FAF2: variants seen among roughly 807,000 people sequenced by gnomAD.
FAF2 encodes Fas associated factor family member 2.
FAF2 carries 9 observed loss-of-function variants against 62.3 expected under a neutral mutation model. That is an observed-to-expected ratio of 0.14 (90% confidence interval 0.09 to 0.25). The LOEUF (loss-of-function observed/expected upper bound fraction) is 0.25. FAF2 is among the 10% of genes least tolerant of loss of function. The probability of loss-of-function intolerance (pLI) is 1.00; values close to 1 mark genes in which losing one functional copy is unlikely to be tolerated. For synonymous variants in FAF2, 202 were observed against 198.0 expected, an observed-to-expected ratio of 1.02 and a Z score of -0.17; for missense variants, 368 against 556.2, an observed-to-expected ratio of 0.66 and a Z score of 3.40.
intron 1 of FAF2, among the ~76,000 whole-genome samples, chr5:176,461,475 A>G (rs1758377015): frequency 6.6e-6 from 1 of 150,660 alleles, no homozygotes; most frequent in African/African-American, 2.4e-5. Context: ...ACACCACCAC[A>G]CTGGGCTAAT....
intron 1 of FAF2, among the ~76,000 whole-genome samples, chr5:176,468,933 C>T (rs1027348478): frequency 6.6e-6 from 1 of 151,630 alleles, no homozygotes; most frequent in South Asian, 2.1e-4. Flanking sequence ...GACAGAGAGA[C>T]CCTGTCTGTA....
At chr5:176,451,843 C>T (rs1204606348) in intron 1 of FAF2, among the ~76,000 whole-genome samples, 144 of 12,908 alleles carry the variant, frequency 0.011, 14 homozygotes, top group Middle Eastern at 0.067. Flanking sequence ...TATATATATA[C>T]ACACATATAT....
Position 176,494,205 on chromosome 5 carries a change from A to T in FAF2, c.591A>T (p.Glu197Asp), listed in dbSNP as rs1157960548. ...ACAGCAACACACTCTGTGCACCTGA[A>T]GTTATTTCACTAATAAACACTAGGA... ...EFCRNTLCAPEVISLINTRML... is the reference protein window; with the variant it reads ...EFCRNTLCAPDVISLINTRML... The change falls in exon 7 of 11, where the codon GAA (glutamate) becomes GAT (aspartate). Residue 197 changes from glutamate to aspartate, a missense_variant. Around this residue, in one of 2 missense-constraint regions of FAF2, gnomAD observed 331 missense variants for 441.9 expected, o/e 0.75. Coordinates refer to ENST00000261942, the MANE Select transcript of FAF2 (RefSeq NM_014613.3). The surrounding 1 kb of genome is among the most constrained non-coding windows in gnomAD (Gnocchi z 4.0). The T allele has an allele frequency of 3.1e-6, 5 of 1,614,010 alleles. No individual in the cohort carries two copies. The highest frequency in any genetic ancestry group is 3.4e-6 in the Non-Finnish European group (4 of 1,180,010).
intron 1 of FAF2, among the ~76,000 whole-genome samples, chr5:176,475,512 C>T (rs1376463252): frequency 6.6e-6 from 1 of 152,208 alleles, no homozygotes; most frequent in Non-Finnish European, 1.5e-5. Flanking sequence ...CACGGTGGCT[C>T]ACGCCTGTAA....
chr5:176,469,760 C>T (rs553079601), intron 1 of FAF2, among the ~76,000 whole-genome samples: 76 of 152,104 alleles, frequency 5.0e-4, no homozygotes, highest in Middle Eastern at 3.4e-3. Context: ...TGGAAGCAGC[C>T]GTAACATCTA....
In FAF2 at chr5:176,507,126, G is replaced by A; in HGVS notation, c.*176G>A. The A allele has an allele frequency of 3.0e-6, 1 of 328,178 alleles. No homozygotes were observed. The highest frequency in any genetic ancestry group is 4.9e-6 in the Non-Finnish European group (1 of 203,362). 20.3% of individuals were successfully genotyped at this position (328,178 alleles called of 1,614,324 possible). A position where few individuals can be genotyped will look rare whatever the true frequency, so the allele number is the denominator to read the frequency against. ...ATCCTTAGGAAGGATCAGAAACCAT[G>A]CTGCCCGTAAGAGTCACAACCTGTG... On this transcript the variant is annotated 3_prime_UTR_variant, in exon 11 of 11. Transcript: ENST00000261942.
intron 8 of FAF2, among the ~76,000 whole-genome samples, chr5:176,497,935 A>C (rs1330475195): frequency 6.6e-6 from 1 of 152,182 alleles, no homozygotes; most frequent in Admixed American, 6.5e-5. Context: ...AGATTGCTTG[A>C]ACTCAGGAGT....
intron 10 of FAF2, among the ~76,000 whole-genome samples, chr5:176,500,679 T>C (rs1351203433): frequency 6.6e-6 from 1 of 152,200 alleles, no homozygotes; most frequent in Non-Finnish European, 1.5e-5. Flanking sequence ...TGTGATAGTG[T>C]TTGTCATTTC....
intron 10 of FAF2, among the ~76,000 whole-genome samples, chr5:176,503,539 A>G (rs1561829681): frequency 7.1e-6 from 1 of 141,044 alleles, no homozygotes; most frequent in East Asian, 2.1e-4. Flanking sequence ...TGAGTGAAAA[A>G]AGCAAAATTC....
chr5:176,459,322 A>G (rs1163552991), intron 1 of FAF2, among the ~76,000 whole-genome samples: 4 of 138,018 alleles, frequency 2.9e-5, no homozygotes, highest in South Asian at 4.4e-4. Flanking sequence ...GCAGTGGCTC[A>G]TTCATGGTTC....
At chr5:176,504,341 T>A (rs1755643078) in intron 10 of FAF2, among the ~76,000 whole-genome samples, 1 of 151,802 alleles carries the variant, frequency 6.6e-6, no homozygotes, top group African/African-American at 2.4e-5. Flanking sequence ...CCCAGCCTAC[T>A]TTGGGAGGCC....
In FAF2 at chr5:176,492,264, T is replaced by A; in HGVS notation, c.415T>A (p.Phe139Ile). Residue 139 changes from phenylalanine (F) to isoleucine (I), a missense_variant, in exon 5 of 11, where the codon TTT (phenylalanine) becomes ATT (isoleucine). By Grantham distance (21) the Phe-to-Ile change is conservative. This residue lies in a region of FAF2 where 331 missense variants were observed against 441.9 expected (regional missense o/e 0.75). Transcript: ENST00000261942. ...VTDPVGDIVS[F>I]MHSFEEKYGR... ...TGACCCCGTTGGGGACATTGTTTCA[T>A]TTATGCACTCTTTTGAAGAGAAATA... 6.2e-7 allele frequency: 1 copy of A among 1,614,198 alleles called. No individual in the cohort carries two copies. Among genetic ancestry groups the A allele is most frequent in the Non-Finnish European group, 8.5e-7 (1 of 1,180,034 alleles).
intron 2 of FAF2, among the ~76,000 whole-genome samples, chr5:176,483,648 C>A (rs900245204): frequency 3.9e-5 from 6 of 152,180 alleles, no homozygotes; most frequent in African/African-American, 1.4e-4. Context: ...TCTGAAACCA[C>A]CTGCAGTTTC....
intron 1 of FAF2, among the ~76,000 whole-genome samples, chr5:176,457,067 G>C (rs1466589165): frequency 1.3e-5 from 2 of 152,046 alleles, no homozygotes; most frequent in Non-Finnish European, 2.9e-5. Flanking sequence ...GTATTTAAGA[G>C]GAATATTTCT....
At position 176,478,161 on chromosome 5, in the gene FAF2, T is replaced by TA. The variant is rs557657901; in HGVS notation, c.64-1026dup. 2.4e-4 allele frequency among the ~76,000 whole-genome samples: 37 copies of TA among 152,314 alleles called. No homozygotes were observed. The South Asian group carries it at 7.5e-3, about 31-fold the overall frequency. ...TACATGAACTGTTAGATTTGCTGAA[T>TA]ATTGGACATCTGAACGGAAATAGTG... On this transcript the variant is annotated intron_variant, in intron 1 of 10. Coordinates refer to ENST00000261942, the MANE Select transcript of FAF2 (RefSeq NM_014613.3).
intron 2 of FAF2, 139 bp downstream of exon 2, chr5:176,479,395 G>A: frequency 2.9e-6 from 2 of 684,018 alleles, no homozygotes; most frequent in East Asian, 2.7e-5. Flanking sequence ...GTGCAGGAAG[G>A]TAAAGAATGT....
rs574077158 is a variant in FAF2, at chr5:176,467,925, G to T, written c.64-11263G>T. ...CACACCTGTCATCCCAGCACTTTGG[G>T]AGGCTGAGGGTGGCAGATCACCTGA... On this transcript the variant is annotated intron_variant, in intron 1 of 10. Coordinates refer to ENST00000261942, the MANE Select transcript of FAF2 (RefSeq NM_014613.3). Among the ~76,000 whole-genome samples, 40 of 152,326 alleles carry T rather than the reference G, an allele frequency of 2.6e-4. 2 individuals are homozygous for T. The South Asian group carries it at 8.1e-3, about 31-fold the overall frequency.
rs1362388520 is a variant in FAF2 at position 176,451,869 on chromosome 5, T to TAC, written c.63+3405_63+3406dup. Among the ~76,000 whole-genome samples, 13 of 34,954 alleles carry TAC rather than the reference T, an allele frequency of 3.7e-4. 2 individuals carry two copies. The highest frequency in any genetic ancestry group is 7.6e-4 in the African/African-American group (6 of 7,850). 22.9% of individuals were successfully genotyped at this position (34,954 alleles called of 152,430 possible). ...ACACATATATATACACATATATATA[T>TAC]ACACACATATATATATATATATATT... On this transcript the variant is annotated intron_variant, in intron 1 of 10. Transcript: ENST00000261942.
chr5:176,467,457 A>G (rs1053346441), intron 1 of FAF2, among the ~76,000 whole-genome samples: 5 of 152,042 alleles, frequency 3.3e-5, no homozygotes, highest in African/African-American at 1.2e-4. Flanking sequence ...CAGCCACCCG[A>G]GTAGCTAGAG....
Sources: allele counts gnomAD v4.1 joint callset (sites outside exome capture counted in the v4.1 genomes callset), GRCh38; gene constraint gnomAD v4.1.1; regional missense constraint gnomAD v4.1.1; non-coding constraint Gnocchi (gnomAD v3.1); transcripts MANE v1.5; gene names NCBI Gene and HGNC (gene_info 2026-07-23, HGNC 2026-07-21).